The following HACE1 variants were observed in gnomAD, a reference collection of about 807,000 sequenced individuals.
HACE1 encodes the protein HECT domain and ankyrin repeat containing E3 ubiquitin protein ligase 1.
HACE1 carries 73 observed loss-of-function variants against 118.4 expected under a neutral mutation model. That is an observed-to-expected ratio of 0.62 (90% confidence interval 0.51 to 0.75). The LOEUF is 0.75. Ranked by LOEUF, HACE1 falls within the 30% of genes least tolerant of loss-of-function variation. HACE1 has a pLI of 0.00. For synonymous variants in HACE1, 368 were observed against 374.8 expected, an observed-to-expected ratio of 0.98 and a Z score of 0.21; for missense variants, 749 against 1,102.2, an observed-to-expected ratio of 0.68 and a Z score of 4.54.
At chr6:104,732,669 A>G (rs1775339630) in intron 22 of HACE1, among the ~76,000 whole-genome samples, 3 of 152,028 alleles carry the variant, frequency 2.0e-5, no homozygotes, top group Admixed American at 2.0e-4. Context: ...GTGTACACTT[A>G]AAAATTGTTT....
intron 6 of HACE1, among the ~76,000 whole-genome samples, chr6:104,825,415 G>A (rs1017399446): frequency 6.6e-6 from 1 of 152,124 alleles, no homozygotes; most frequent in Non-Finnish European, 1.5e-5. Flanking sequence ...CCTCGGATTG[G>A]TTGCACACAG....
At chr6:104,840,304 C>G (rs183469709) in intron 5 of HACE1, among the ~76,000 whole-genome samples, 111 of 152,140 alleles carry the variant, frequency 7.3e-4, no homozygotes, top group Middle Eastern at 3.4e-3. Flanking sequence ...TTTTCGTGTA[C>G]TCAAAAAAAT....
At chr6:104,763,388 T>C (rs548561970) in intron 19 of HACE1, among the ~76,000 whole-genome samples, 1 of 152,322 alleles carries the variant, frequency 6.6e-6, no homozygotes, top group East Asian at 1.9e-4. Context: ...TATCTGTATA[T>C]ACAAAATGAG....
chr6:104,822,314 C>G (rs535793030), intron 6 of HACE1, among the ~76,000 whole-genome samples: 15 of 148,398 alleles, frequency 1.0e-4, no homozygotes, highest in African/African-American at 3.7e-4. Flanking sequence ...ACCCAGGAGG[C>G]AGAGCTTGCA....
intron 14 of HACE1, among the ~76,000 whole-genome samples, chr6:104,779,048 A>G (rs528249425): frequency 1.2e-4 from 19 of 152,332 alleles, no homozygotes; most frequent in African/African-American, 4.1e-4. Context: ...AAACATGAAC[A>G]AAGGTAAAGT....
At chr6:104,757,436 G>C (rs780048247) in intron 19 of HACE1, among the ~76,000 whole-genome samples, 1 of 152,158 alleles carries the variant, frequency 6.6e-6, no homozygotes, top group Non-Finnish European at 1.5e-5. Flanking sequence ...AACTCCAACA[G>C]ACCTGCAGCT....
chr6:104,740,008 G>C (rs1365663606), intron 22 of HACE1, among the ~76,000 whole-genome samples: 14 of 152,054 alleles, frequency 9.2e-5, no homozygotes, highest in African/African-American at 3.4e-4. Context: ...TCAGGATTAA[G>C]AAACTCACTC....
intron 17 of HACE1, among the ~76,000 whole-genome samples, chr6:104,773,692 T>C (rs1382534155): frequency 1.3e-5 from 2 of 152,032 alleles, no homozygotes; most frequent in African/African-American, 2.4e-5. Context: ...TTTCCTCCCC[T>C]AGCTCTGTGT....
At chr6:104,857,677 G>C (rs1310899403) in intron 1 of HACE1, among the ~76,000 whole-genome samples, 1 of 151,476 alleles carries the variant, frequency 6.6e-6, no homozygotes, top group South Asian at 2.1e-4. Flanking sequence ...CATTTGGGGC[G>C]GGGCACGGTG....
intron 2 of HACE1, among the ~76,000 whole-genome samples, chr6:104,851,439 A>T (rs1475071764): frequency 2.0e-5 from 3 of 152,124 alleles, no homozygotes; most frequent in Non-Finnish European, 4.4e-5. Flanking sequence ...ATACTGCACT[A>T]TTCTCTTAGT....
At chr6:104,845,620 G>C (rs1775590028) in intron 4 of HACE1, among the ~76,000 whole-genome samples, 1 of 151,830 alleles carries the variant, frequency 6.6e-6, no homozygotes, top group African/African-American at 2.4e-5. Flanking sequence ...TGGGACTACA[G>C]GCACCCGCCA....
chr6:104,798,629 T>G (rs1769958720), intron 7 of HACE1, among the ~76,000 whole-genome samples: 1 of 152,172 alleles, frequency 6.6e-6, no homozygotes, highest in Non-Finnish European at 1.5e-5. Context: ...AAGCAAGAAG[T>G]CCTCATCAAG....
At chr6:104,818,611 A>C (rs1401207985) in intron 6 of HACE1, among the ~76,000 whole-genome samples, 1 of 152,166 alleles carries the variant, frequency 6.6e-6, no homozygotes, top group Non-Finnish European at 1.5e-5. Flanking sequence ...ATCCTTGATG[A>C]AATTGATGCA....
intron 10 of HACE1, among the ~76,000 whole-genome samples, chr6:104,793,206 G>A (rs1321895684): frequency 6.1e-5 from 9 of 147,926 alleles, no homozygotes; most frequent in Non-Finnish European, 7.4e-5. Context: ...GGTGGAGCTC[G>A]CAGTAAGCCG....
At chr6:104,774,662 G>C (rs1457768935) in intron 17 of HACE1, among the ~76,000 whole-genome samples, 1 of 152,128 alleles carries the variant, frequency 6.6e-6, no homozygotes, top group African/African-American at 2.4e-5. Context: ...GGGATTACAG[G>C]CATGAGCCAC....
chr6:104,817,378 G>A (rs1772231157), intron 6 of HACE1, among the ~76,000 whole-genome samples: 1 of 152,054 alleles, frequency 6.6e-6, no homozygotes, highest in Non-Finnish European at 1.5e-5. Flanking sequence ...TTAAAAGTGT[G>A]TGGCACTTCC....
chr6:104,782,195 A>C (rs2114778891), intron 14 of HACE1, among the ~76,000 whole-genome samples: 1 of 152,344 alleles, frequency 6.6e-6, no homozygotes, highest in South Asian at 2.1e-4. Flanking sequence ...GTAGGTTAAG[A>C]AATTGAACTT....
intron 6 of HACE1, among the ~76,000 whole-genome samples, chr6:104,831,918 AAGAAGAGAAGAGAAGAGAAGAGAAG>A (rs770162517): frequency 5.7e-4 from 36 of 62,870 alleles, no homozygotes; most frequent in African/African-American, 1.5e-3. Flanking sequence ...AGAAAAGAGA[AAGAAGAGAAGAGAAGAGAAGAGAAG>A]AGAAGAGAAG....
chr6:104,745,896 G>A (rs895189903), intron 20 of HACE1, among the ~76,000 whole-genome samples: 2 of 152,126 alleles, frequency 1.3e-5, no homozygotes, highest in Non-Finnish European at 2.9e-5. Flanking sequence ...TCTACTCAGT[G>A]GGTCCATGAG....
Sources: allele counts gnomAD v4.1 joint callset (sites outside exome capture counted in the v4.1 genomes callset), GRCh38; gene constraint gnomAD v4.1.1; transcripts MANE v1.5; gene names NCBI Gene and HGNC (gene_info 2026-07-23, HGNC 2026-07-21).